The following ATOSB variants were observed in gnomAD, a reference collection of about 807,000 sequenced individuals.
ATOSB encodes atos homolog protein B.
the ATOSB span, chr9:35,109,329 A>C: frequency 1.3e-5 from 2 of 152,386 alleles, no homozygotes; most frequent in Non-Finnish European, 2.9e-5. Context: ...GACCAAAAAC[A>C]AGAAGGGGAA....
At chr9:35,115,550 CT>C in the ATOSB span, 1 of 149,746 alleles carries the variant, frequency 6.7e-6, no homozygotes, top group African/African-American at 2.5e-5. Flanking sequence ...TCCCCTGCCC[CT>C]CATGTACCTC....
At chr9:35,104,278 G>A in the ATOSB span, 1 of 152,814 alleles carries the variant, frequency 6.5e-6, no homozygotes, top group African/African-American at 2.4e-5. Flanking sequence ...TTAGGACTGA[G>A]GCTGGGTCAG....
chr9:35,115,293 G>A, the ATOSB span, among the ~76,000 whole-genome samples: 1 of 152,044 alleles, frequency 6.6e-6, no homozygotes, highest in Non-Finnish European at 1.5e-5. Context: ...GCAGACAGGA[G>A]TGCAATAGAT....
At chr9:35,106,660 A>G in the ATOSB span, 26 of 1,536,036 alleles carry the variant, frequency 1.7e-5, no homozygotes, top group Non-Finnish European at 2.3e-5. This position sits in a 1 kb window ranked among gnomAD's most constrained non-coding sequence, Gnocchi z 4.6. Context: ...GAGGAAGGGA[A>G]ACACAGGGGG....
the ATOSB span, chr9:35,106,144 C>A: frequency 1.3e-6 from 2 of 1,536,658 alleles, no homozygotes; most frequent in Non-Finnish European, 1.8e-6. This position sits in a 1 kb window ranked among gnomAD's most constrained non-coding sequence, Gnocchi z 4.6. Context: ...CTGGCCCTGA[C>A]TCACTTCTAG....
the ATOSB span, chr9:35,110,589 AG>A: frequency 6.6e-6 from 1 of 152,352 alleles, no homozygotes; most frequent in African/African-American, 2.4e-5. Flanking sequence ...GGCAGGGCAG[AG>A]TAGGCCAAGC....
chr9:35,106,507 C>G, the ATOSB span: 2 of 1,594,824 alleles, frequency 1.3e-6, no homozygotes, highest in Non-Finnish European at 1.7e-6. The surrounding 1 kb of genome is among the most constrained non-coding windows in gnomAD (Gnocchi z 4.6). Flanking sequence ...CTCCCAGGAC[C>G]CCGGCAATCA....
At chr9:35,106,690 G>T in the ATOSB span, 1 of 1,492,860 alleles carries the variant, frequency 6.7e-7, no homozygotes, top group Non-Finnish European at 9.1e-7. The surrounding 1 kb of genome is among the most constrained non-coding windows in gnomAD (Gnocchi z 4.6). Context: ...GGTATTCTGG[G>T]ATTCCTGCTT....
At chr9:35,105,853 A>G in the ATOSB span, 2 of 1,614,160 alleles carry the variant, frequency 1.2e-6, no homozygotes, top group Non-Finnish European at 1.7e-6. The surrounding 1 kb of genome is among the most constrained non-coding windows in gnomAD (Gnocchi z 5.5). Flanking sequence ...GGGGTTAAAT[A>G]AGGTCTAGGG....
At chr9:35,113,195 C>T in the ATOSB span, among the ~76,000 whole-genome samples, 4 of 152,292 alleles carry the variant, frequency 2.6e-5, no homozygotes, top group South Asian at 8.3e-4. Context: ...TTAGCAACCC[C>T]ACCTTATTCT....
the ATOSB span, among the ~76,000 whole-genome samples, chr9:35,111,832 T>A: frequency 1.2e-4 from 18 of 152,040 alleles, no homozygotes; most frequent in Non-Finnish European, 1.8e-4. Flanking sequence ...GCTGCCGGAG[T>A]CCAAAGCAAC....
chr9:35,113,393 A>G, the ATOSB span, among the ~76,000 whole-genome samples: 1 of 152,150 alleles, frequency 6.6e-6, no homozygotes, highest in African/African-American at 2.4e-5. Context: ...TGGGAGGCCA[A>G]AGTGGGCGGA....
At chr9:35,105,024 C>A in the ATOSB span, 1 of 524,208 alleles carries the variant, frequency 1.9e-6, no homozygotes, top group Non-Finnish European at 3.2e-6. This position sits in a 1 kb window ranked among gnomAD's most constrained non-coding sequence, Gnocchi z 5.5. Context: ...AGGGGACAGG[C>A]ACATGGAGTA....
At chr9:35,105,077 CACCCAAATA>C in the ATOSB span, 1 of 890,642 alleles carries the variant, frequency 1.1e-6, no homozygotes, top group East Asian at 3.0e-5. This position sits in a 1 kb window ranked among gnomAD's most constrained non-coding sequence, Gnocchi z 5.5. Flanking sequence ...AAGCTTTAAA[CACCCAAATA>C]ATCCATTTGG....
the ATOSB span, chr9:35,107,729 C>T: frequency 1.9e-6 from 3 of 1,593,592 alleles, no homozygotes; most frequent in Non-Finnish European, 2.6e-6. Flanking sequence ...GTGTGTGCAG[C>T]TGGCCTGGAG....
chr9:35,115,512 G>GC, the ATOSB span, among the ~76,000 whole-genome samples: 13 of 146,794 alleles, frequency 8.9e-5, no homozygotes, highest in Admixed American at 8.9e-4. Flanking sequence ...CCATTAAACA[G>GC]CCCCCCTTCC....
At chr9:35,106,113 C>A in the ATOSB span, 1 of 1,509,872 alleles carries the variant, frequency 6.6e-7, no homozygotes. The surrounding 1 kb of genome is among the most constrained non-coding windows in gnomAD (Gnocchi z 4.6). Flanking sequence ...TGCCCCTGCC[C>A]TACAGTAGAG....
chr9:35,105,433 TG>T, the ATOSB span: 4 of 1,554,138 alleles, frequency 2.6e-6, no homozygotes, highest in Admixed American at 7.2e-5. This position sits in a 1 kb window ranked among gnomAD's most constrained non-coding sequence, Gnocchi z 5.5. Context: ...GGCTCATGCC[TG>T]TAATTCCAGT....
chr9:35,106,667 G>A, the ATOSB span: 2 of 1,528,482 alleles, frequency 1.3e-6, no homozygotes, highest in South Asian at 1.2e-5. The surrounding 1 kb of genome is among the most constrained non-coding windows in gnomAD (Gnocchi z 4.6). Context: ...GGAAACACAG[G>A]GGGTTGGCTT....
Sources: allele counts gnomAD v4.1 joint callset (sites outside exome capture counted in the v4.1 genomes callset), GRCh38; gene constraint gnomAD v4.1.1; non-coding constraint Gnocchi (gnomAD v3.1); transcripts MANE v1.5; gene names NCBI Gene and HGNC (gene_info 2026-07-23, HGNC 2026-07-21).